The following CSMD1 variants were observed in gnomAD, a reference collection of about 807,000 sequenced individuals.
The protein encoded by CSMD1 is CUB and Sushi multiple domains 1.
Under a neutral mutation model 417.5 loss-of-function variants are expected in CSMD1, and 213 were observed. The observed-to-expected ratio is 0.51, with a 90% CI of 0.46 to 0.57. CSMD1 has a LOEUF of 0.57. CSMD1 is among the 20% of genes least tolerant of loss of function. CSMD1 has a pLI of 0.00. For missense variants in CSMD1, 6,923 were observed against 4,529.7 expected (o/e 1.53, Z -15.17); for synonymous variants, 2,862 against 1,736.8 (o/e 1.65, Z -16.11).
At chr8:4,429,883 C>A (rs1438200) in intron 2 of CSMD1, among the ~76,000 whole-genome samples, 54,799 of 151,842 alleles carry the variant, frequency 0.36, 10,126 homozygotes, top group South Asian at 0.44. Flanking sequence ...AGGGAATCCT[C>A]TCCTCCATTT....
intron 3 of CSMD1, among the ~76,000 whole-genome samples, chr8:4,054,309 C>T (rs1268190500): frequency 2.0e-5 from 3 of 152,052 alleles, no homozygotes. Flanking sequence ...ACATTCTCTC[C>T]TCTCCTCTGG....
chr8:4,469,622 C>A (rs1382430823), intron 2 of CSMD1, among the ~76,000 whole-genome samples: 1 of 152,096 alleles, frequency 6.6e-6, no homozygotes, highest in Non-Finnish European at 1.5e-5. Flanking sequence ...CCTGACATCC[C>A]TAATGTAGCT....
rs546897986 is a variant in CSMD1 at position 3,455,738 on chromosome 8, A to C, written c.1561+12974T>G. On this transcript the variant is annotated intron_variant, in intron 12 of 69. Transcript: ENST00000635120. ...ACTGCCCCTACTGGGGATGCGTCCCAGTTACGCTACTCAGGGGTCAGGGAC... is the reference window on the plus strand; with the variant it reads ...ACTGCCCCTACTGGGGATGCGTCCCCGTTACGCTACTCAGGGGTCAGGGAC... Among the ~76,000 whole-genome samples, 7 of 152,326 alleles carry C rather than the reference A, an allele frequency of 4.6e-5. No individual in the cohort carries two copies. The South Asian group carries it at 1.2e-3, about 27-fold the overall frequency.
rs375427710 is a variant in CSMD1 at position 4,903,300 on chromosome 8, A to C, written c.85+91032T>G. Among the ~76,000 whole-genome samples, 25 of 152,240 alleles carry C rather than the reference A, an allele frequency of 1.6e-4. 1 individual carries two copies. Reference sequence around the variant, plus strand: ...ATTACAGCTGACCTTTCTGATTTCCATTTAGCAATTGCTTTATGGATAAAA... The same window carrying C: ...ATTACAGCTGACCTTTCTGATTTCCCTTTAGCAATTGCTTTATGGATAAAA... On this transcript the variant is annotated intron_variant, in intron 1 of 69. Coordinates refer to ENST00000635120, the MANE Select transcript of CSMD1 (RefSeq NM_033225.6).
intron 7 of CSMD1, among the ~76,000 whole-genome samples, chr8:3,650,239 T>C (rs1036327825): frequency 3.3e-5 from 5 of 151,696 alleles, no homozygotes; most frequent in African/African-American, 9.7e-5. Flanking sequence ...GATTGCTTCA[T>C]TGCACTCCAG....
intron 1 of CSMD1, among the ~76,000 whole-genome samples, chr8:4,838,393 T>C (rs1297388458): frequency 6.6e-6 from 1 of 152,062 alleles, no homozygotes; most frequent in African/African-American, 2.4e-5. Context: ...AAATAGAAGA[T>C]TGCAACCTGA....
At chr8:3,722,945 A>G (rs1802272704) in intron 6 of CSMD1, among the ~76,000 whole-genome samples, 1 of 152,158 alleles carries the variant, frequency 6.6e-6, no homozygotes, top group Non-Finnish European at 1.5e-5. Flanking sequence ...TGCCACATAA[A>G]TTACTACCAA....
chr8:3,501,126 T>G (rs1450324986), intron 10 of CSMD1, among the ~76,000 whole-genome samples: 1 of 152,226 alleles, frequency 6.6e-6, no homozygotes, highest in Non-Finnish European at 1.5e-5. Context: ...AAAAATTCAT[T>G]TGATATGGGT....
At chr8:3,636,814 CT>C in intron 7 of CSMD1, among the ~76,000 whole-genome samples, 1 of 152,100 alleles carries the variant, frequency 6.6e-6, no homozygotes, top group East Asian at 1.9e-4. Context: ...CATATCTTTT[CT>C]TTATTTTTTG....
At chr8:4,445,210 A>G (rs1384723969) in intron 2 of CSMD1, among the ~76,000 whole-genome samples, 1 of 152,074 alleles carries the variant, frequency 6.6e-6, no homozygotes, top group Non-Finnish European at 1.5e-5. Flanking sequence ...GGTTAAGACT[A>G]CTTTCTTCAT....
intron 26 of CSMD1, among the ~76,000 whole-genome samples, chr8:3,249,479 C>A (rs913605850): frequency 1.6e-4 from 25 of 152,164 alleles, no homozygotes; most frequent in Admixed American, 1.6e-3. Context: ...CCACCTTGGC[C>A]TCCCAAAATG....
intron 37 of CSMD1, among the ~76,000 whole-genome samples, chr8:3,179,138 G>C: frequency 6.6e-6 from 1 of 150,976 alleles, no homozygotes; most frequent in Non-Finnish European, 1.5e-5. Flanking sequence ...GTAGATACGG[G>C]GTTTCAACGT....
Position 2,936,898 on chromosome 8 carries a change from C to A in CSMD1, c.*1687G>T, listed in dbSNP as rs1801523311. The A allele has an allele frequency of 6.6e-6, 1 of 152,204 alleles. No homozygotes were observed. The highest frequency in any genetic ancestry group is 2.1e-4 in the South Asian group (1 of 4,836). 9.4% of individuals were successfully genotyped at this position (152,204 alleles called of 1,614,324 possible). A position where few individuals can be genotyped will look rare whatever the true frequency, so the allele number is the denominator to read the frequency against. On this transcript the variant is annotated 3_prime_UTR_variant, in exon 70 of 70. Coordinates refer to ENST00000635120, the MANE Select transcript of CSMD1 (RefSeq NM_033225.6). ...CTAGGTGTCAATGTGTTCACTCCGACAACGTGAAGGCCAATTTGAACATTC... is the reference window on the plus strand; with the variant it reads ...CTAGGTGTCAATGTGTTCACTCCGAAAACGTGAAGGCCAATTTGAACATTC...
At position 3,308,292 on chromosome 8, in the gene CSMD1, A is replaced by C. The variant is rs1393843; in HGVS notation, c.3823+20T>G. The C allele has an allele frequency of 0.92, 1,462,611 of 1,585,246 alleles. 678,044 individuals carry two copies. Among genetic ancestry groups the C allele is most frequent in the Non-Finnish European group, 0.94 (1,094,415 of 1,158,168 alleles). On this transcript the variant is annotated intron_variant, in intron 24 of 69. Transcript: ENST00000635120. ...TAAGGCCTGGCTTTTGCACAATGGT[A>C]TGACTGCTTCCACACTCACCTATGC...
intron 3 of CSMD1, among the ~76,000 whole-genome samples, chr8:4,077,879 T>C (rs1017239196): frequency 2.0e-5 from 3 of 152,140 alleles, no homozygotes; most frequent in Non-Finnish European, 4.4e-5. Context: ...TGACTTGTAA[T>C]TGATGCCCAA....
intron 5 of CSMD1, among the ~76,000 whole-genome samples, chr8:3,815,744 C>T (rs1179862473): frequency 2.0e-5 from 3 of 151,452 alleles, no homozygotes. Context: ...ATGTACATAA[C>T]ATGGAAAGTC....
At chr8:4,943,497 A>T (rs1808160969) in intron 1 of CSMD1, among the ~76,000 whole-genome samples, 2 of 44,416 alleles carry the variant, frequency 4.5e-5, no homozygotes, top group Admixed American at 5.0e-4. Context: ...CACCGTCTCA[A>T]AAAAATAAAA....
chr8:4,964,272 G>C (rs1375269246), intron 1 of CSMD1, among the ~76,000 whole-genome samples: 1 of 151,946 alleles, frequency 6.6e-6, no homozygotes, highest in Non-Finnish European at 1.5e-5. Flanking sequence ...CCAGCAGTTT[G>C]GGAGGCAAAG....
intron 26 of CSMD1, among the ~76,000 whole-genome samples, chr8:3,274,215 A>T (rs1330826284): frequency 6.6e-6 from 1 of 151,596 alleles, no homozygotes; most frequent in Non-Finnish European, 1.5e-5. Flanking sequence ...CAGGTTGTTC[A>T]GTTTCCATGT....
Sources: gnomAD v4.1 joint callset for allele counts (sites outside exome capture counted in the v4.1 genomes callset) on GRCh38, gnomAD v4.1.1 for gene constraint, MANE v1.5 for transcripts, NCBI Gene and HGNC (gene_info 2026-07-23, HGNC 2026-07-21) for gene names.